Variants in LRRTM4 observed in about 807,000 individuals in gnomAD.
The protein encoded by LRRTM4 is leucine rich repeat transmembrane neuronal 4, also known as leucine-rich repeat transmembrane neuronal protein 4.
A neutral mutation model predicts 47.6 loss-of-function variants in LRRTM4; 25 were observed. The ratio of observed to expected loss-of-function variants is 0.53; its 90% CI spans 0.38 to 0.73. LRRTM4 has a LOEUF of 0.73. Ranked by LOEUF, LRRTM4 falls within the 30% of genes least tolerant of loss-of-function variation. LRRTM4 has a pLI of 0.00. For missense variants in LRRTM4, 638 were observed against 713.4 expected (o/e 0.89, Z 1.20); for synonymous variants, 311 against 269.5 (o/e 1.15, Z -1.51).
intron 3 of LRRTM4, among the ~76,000 whole-genome samples, chr2:77,314,040 A>G (rs2104206944): frequency 6.6e-6 from 1 of 152,334 alleles, no homozygotes; most frequent in Middle Eastern, 3.4e-3. Flanking sequence ...GCAACTTACA[A>G]TATCCTATTT....
At position 76,883,775 on chromosome 2, in the gene LRRTM4, T is replaced by C. The variant is rs186619948; in HGVS notation, c.1552-134859A>G. 8.5e-5 allele frequency among the ~76,000 whole-genome samples: 13 copies of C among 152,220 alleles called. 1 individual carries two copies. The highest frequency in any genetic ancestry group is 1.8e-4 in the Non-Finnish European group (12 of 68,006). ...CTTTCATGATCTGGGAGAACTAAAA[T>C]AGAGCACTGCAGACAAGTGCTAAAT... On this transcript the variant is annotated intron_variant, in intron 3 of 3. Coordinates refer to ENST00000409884, the MANE Select transcript of LRRTM4 (RefSeq NM_001134745.3).
At chr2:77,143,405 G>C (rs1672176358) in intron 3 of LRRTM4, among the ~76,000 whole-genome samples, 1 of 152,014 alleles carries the variant, frequency 6.6e-6, no homozygotes, top group Non-Finnish European at 1.5e-5. Context: ...TATAGAAAAG[G>C]TACTGCAATA....
intron 3 of LRRTM4, among the ~76,000 whole-genome samples, chr2:77,099,804 G>A (rs531991252): frequency 1.3e-5 from 2 of 151,798 alleles, no homozygotes; most frequent in Non-Finnish European, 2.9e-5. Context: ...AATCTTCAAA[G>A]TATTTGAATA....
chr2:76,756,995 ATAATC>A (rs1558634363), intron 3 of LRRTM4, among the ~76,000 whole-genome samples: 8 of 152,164 alleles, frequency 5.3e-5, no homozygotes, highest in Admixed American at 2.0e-4. Context: ...AATCTAAAAA[ATAATC>A]TAATTTATGG....
intron 3 of LRRTM4, among the ~76,000 whole-genome samples, chr2:77,427,256 C>T (rs771554255): frequency 2.6e-5 from 4 of 152,150 alleles, no homozygotes; most frequent in South Asian, 4.1e-4. Flanking sequence ...GGATTACAGG[C>T]GTGAGCCACC....
At chr2:77,281,664 G>A (rs1303792508) in intron 3 of LRRTM4, among the ~76,000 whole-genome samples, 1 of 151,692 alleles carries the variant, frequency 6.6e-6, no homozygotes, top group East Asian at 1.9e-4. Flanking sequence ...AAAAAAATGG[G>A]CATGGCAGAA....
At chr2:76,805,694 C>G (rs563307653) in intron 3 of LRRTM4, among the ~76,000 whole-genome samples, 2 of 152,110 alleles carry the variant, frequency 1.3e-5, no homozygotes, top group Non-Finnish European at 2.9e-5. Flanking sequence ...ATACTAATGA[C>G]GCATACCATG....
intron 3 of LRRTM4, among the ~76,000 whole-genome samples, chr2:77,075,725 C>T (rs1281092207): frequency 6.6e-6 from 1 of 150,620 alleles, no homozygotes; most frequent in African/African-American, 2.5e-5. Context: ...ACCATCCTGG[C>T]TAACAAGGTG....
intron 3 of LRRTM4, among the ~76,000 whole-genome samples, chr2:77,069,951 T>C (rs1680095929): frequency 6.6e-6 from 1 of 152,154 alleles, no homozygotes; most frequent in Non-Finnish European, 1.5e-5. Flanking sequence ...AGAAATACCC[T>C]CTAAGAGAAA....
chr2:77,218,782 C>G (rs1019797313), intron 3 of LRRTM4, among the ~76,000 whole-genome samples: 3 of 152,076 alleles, frequency 2.0e-5, no homozygotes, highest in Non-Finnish European at 4.4e-5. Flanking sequence ...GTGAATTTTG[C>G]AGCTCCATTT....
At chr2:77,023,973 T>C (rs1558534712) in intron 3 of LRRTM4, among the ~76,000 whole-genome samples, 1 of 152,148 alleles carries the variant, frequency 6.6e-6, no homozygotes. Flanking sequence ...AAAAGATTAA[T>C]TGGACTTACA....
rs567711489 is a variant in LRRTM4 at position 77,100,059 on chromosome 2, TC to T, written c.1552-351144del. 1.1e-4 allele frequency among the ~76,000 whole-genome samples: 16 copies of T among 152,240 alleles called. 1 individual carries two copies. The South Asian group carries it at 3.3e-3, about 32-fold the overall frequency. On this transcript the variant is annotated intron_variant, in intron 3 of 3. Coordinates refer to ENST00000409884, the MANE Select transcript of LRRTM4 (RefSeq NM_001134745.3). ...TTTCTCATTTTTGGTGTCCTCTTGG[TC>T]CTTTAAGTAACATGAAATGAATTTT...
chr2:77,011,383 A>G (rs1677867036), intron 3 of LRRTM4, among the ~76,000 whole-genome samples: 1 of 152,082 alleles, frequency 6.6e-6, no homozygotes, highest in Non-Finnish European at 1.5e-5. Context: ...GATAGAATAC[A>G]GCTGGGATAG....
chr2:77,038,309 G>C (rs144333941), intron 3 of LRRTM4, among the ~76,000 whole-genome samples: 4 of 151,648 alleles, frequency 2.6e-5, no homozygotes, highest in Non-Finnish European at 5.9e-5. Context: ...TATTTGCTGT[G>C]AACAGTCAGG....
At chr2:77,259,235 C>T (rs1159149204) in intron 3 of LRRTM4, among the ~76,000 whole-genome samples, 1 of 152,012 alleles carries the variant, frequency 6.6e-6, no homozygotes, top group African/African-American at 2.4e-5. Flanking sequence ...CAGTAACTGG[C>T]TGTATGACAT....
chr2:77,305,038 T>G (rs1294050668), intron 3 of LRRTM4, among the ~76,000 whole-genome samples: 1 of 152,088 alleles, frequency 6.6e-6, no homozygotes, highest in African/African-American at 2.4e-5. Context: ...GATCATGTCA[T>G]GTATATGTAT....
At chr2:77,438,802 A>G (rs1675715784) in intron 3 of LRRTM4, among the ~76,000 whole-genome samples, 1 of 152,210 alleles carries the variant, frequency 6.6e-6, no homozygotes, top group African/African-American at 2.4e-5. Context: ...CCAACTGTGA[A>G]CCCATTACAT....
chr2:77,111,998 T>C (rs2103936511), intron 3 of LRRTM4, among the ~76,000 whole-genome samples: 1 of 152,272 alleles, frequency 6.6e-6, no homozygotes, highest in East Asian at 1.9e-4. Flanking sequence ...AGCCTGCAAG[T>C]GCAAGGAGGG....
chr2:77,117,290 A>G (rs4853298), intron 3 of LRRTM4, among the ~76,000 whole-genome samples: 93,031 of 151,812 alleles, frequency 0.61, 29,438 homozygotes, highest in African/African-American at 0.77. Flanking sequence ...TTTTTGAAAT[A>G]TAAAATTTTA....
Sources: gnomAD v4.1 joint callset for allele counts (sites outside exome capture counted in the v4.1 genomes callset) on GRCh38, gnomAD v4.1.1 for gene constraint, MANE v1.5 for transcripts, NCBI Gene and HGNC (gene_info 2026-07-23, HGNC 2026-07-21) for gene names.